KCNIP3: variants seen among roughly 807,000 people sequenced by gnomAD.
The protein encoded by KCNIP3 is potassium voltage-gated channel interacting protein 3.
KCNIP3 carries 28 observed loss-of-function variants against 35.0 expected under a neutral mutation model. The ratio of observed to expected loss-of-function variants is 0.80; its 90% CI spans 0.59 to 1.10. The LOEUF (loss-of-function observed/expected upper bound fraction) is 1.10. KCNIP3 is among the 50% of genes least tolerant of loss of function. The pLI is 0.00. For missense variants in KCNIP3, 295 were observed against 338.4 expected, an observed-to-expected ratio of 0.87 and a Z score of 1.01; for synonymous variants, 134 against 133.8, an observed-to-expected ratio of 1.00 and a Z score of -0.01.
In KCNIP3 at chr2:95,377,244, G is replaced by A. The variant is rs1680224612; in HGVS notation, c.447+2036G>A. ...CCAAAACGATTCCGTAGACTGTTGG[G>A]GCCTCTTCAGTGCCCAGGATCAAGT... On this transcript the variant is annotated intron_variant, in intron 5 of 8. Transcript: ENST00000295225. The surrounding 1 kb of genome is among the most constrained non-coding windows in gnomAD (Gnocchi z 4.7). Among the ~76,000 whole-genome samples the A allele has an allele frequency of 2.0e-5, 3 of 152,230 alleles. No individual in the cohort carries two copies. The South Asian group carries it at 6.2e-4, about 32-fold the overall frequency.
intron 1 of KCNIP3, chr2:95,303,496 C>G (rs975404346): frequency 7.9e-5 from 12 of 152,320 alleles, no homozygotes; most frequent in Admixed American, 7.2e-4. Context: ...AAGTCGCCGC[C>G]CCTCCCTCAC....
chr2:95,322,220 C>T (rs1466185076), intron 2 of KCNIP3, among the ~76,000 whole-genome samples: 5 of 152,052 alleles, frequency 3.3e-5, no homozygotes, highest in South Asian at 2.1e-4. Flanking sequence ...AAAAATTAGC[C>T]GGACATGGTG....
intron 2 of KCNIP3, among the ~76,000 whole-genome samples, chr2:95,338,849 A>T (rs1679124845): frequency 6.6e-6 from 1 of 152,224 alleles, no homozygotes; most frequent in Non-Finnish European, 1.5e-5. Flanking sequence ...CCTAACAGGT[A>T]CTCGTTCAGC....
intron 2 of KCNIP3, among the ~76,000 whole-genome samples, chr2:95,349,866 G>A (rs1203647191): frequency 2.0e-5 from 3 of 152,206 alleles, no homozygotes; most frequent in Admixed American, 1.3e-4. Flanking sequence ...GGACGGCCCC[G>A]AGGGCCATCA....
intron 2 of KCNIP3, among the ~76,000 whole-genome samples, chr2:95,321,062 A>C (rs1332640296): frequency 3.2e-4 from 11 of 33,848 alleles, no homozygotes; most frequent in Non-Finnish European, 3.6e-4. Flanking sequence ...CCCACACCCC[A>C]AGCCTCTCCT....
At chr2:95,333,162 C>T (rs998630708) in intron 2 of KCNIP3, among the ~76,000 whole-genome samples, 3 of 152,168 alleles carry the variant, frequency 2.0e-5, no homozygotes, top group African/African-American at 7.2e-5. Flanking sequence ...CAAACGAATG[C>T]TCCCTTGCTC....
intron 2 of KCNIP3, among the ~76,000 whole-genome samples, chr2:95,370,995 C>T (rs902003534): frequency 6.6e-5 from 10 of 152,166 alleles, no homozygotes; most frequent in Non-Finnish European, 2.9e-5. Context: ...TCTTGAACTC[C>T]TGACCTCAAG....
chr2:95,361,777 C>G (rs1470486848), intron 2 of KCNIP3, among the ~76,000 whole-genome samples: 1 of 152,200 alleles, frequency 6.6e-6, no homozygotes, highest in Non-Finnish European at 1.5e-5. Flanking sequence ...ACCTCCCATG[C>G]ACAGGCACTG....
chr2:95,369,588 A>T (rs1296324762), intron 2 of KCNIP3, among the ~76,000 whole-genome samples: 3 of 151,088 alleles, frequency 2.0e-5, no homozygotes, highest in Non-Finnish European at 4.4e-5. Flanking sequence ...TTCCTTCCTG[A>T]TGTTGGTAGC....
chr2:95,317,050 A>G (rs1678475101), intron 2 of KCNIP3, among the ~76,000 whole-genome samples: 1 of 152,232 alleles, frequency 6.6e-6, no homozygotes, highest in African/African-American at 2.4e-5. Context: ...TCTGCATTTT[A>G]GAGAGGCACA....
At chr2:95,335,194 G>T (rs1573497635) in intron 2 of KCNIP3, among the ~76,000 whole-genome samples, 1 of 152,260 alleles carries the variant, frequency 6.6e-6, no homozygotes, top group East Asian at 1.9e-4. Flanking sequence ...GATGGGAAAA[G>T]ATCTATTCCC....
At chr2:95,363,740 A>T (rs186081944) in intron 2 of KCNIP3, among the ~76,000 whole-genome samples, 272 of 152,326 alleles carry the variant, frequency 1.8e-3, no homozygotes, top group African/African-American at 6.1e-3. Context: ...ATATCTTTCC[A>T]TGTAGAGGTC....
Position 95,305,172 on chromosome 2 carries a change from G to A in KCNIP3, c.16-5183G>A, listed in dbSNP as rs1252450387. Among the ~76,000 whole-genome samples, 3 of 152,318 alleles carry A rather than the reference G, an allele frequency of 2.0e-5. No individual in the cohort carries two copies. In the East Asian group the frequency reaches 5.8e-4, roughly 29 times the overall value. ...ACAGTTCTGTCACCCATTAAAATGAGGCCGGCATCGAGCAGGAGTGGGAGG... is the reference window on the plus strand; with the variant it reads ...ACAGTTCTGTCACCCATTAAAATGAAGCCGGCATCGAGCAGGAGTGGGAGG... On this transcript the variant is annotated intron_variant, in intron 1 of 8. Coordinates refer to ENST00000295225, the MANE Select transcript of KCNIP3 (RefSeq NM_013434.5).
At chr2:95,321,663 G>C (rs1302978799) in intron 2 of KCNIP3, among the ~76,000 whole-genome samples, 3 of 152,176 alleles carry the variant, frequency 2.0e-5, no homozygotes, top group African/African-American at 7.2e-5. Context: ...GAAACACGGG[G>C]CTCTTTAGAG....
chr2:95,313,008 C>A (rs561232774), intron 2 of KCNIP3: 1 of 152,446 alleles, frequency 6.6e-6, no homozygotes, highest in Non-Finnish European at 1.5e-5. Context: ...ATGAGGCATC[C>A]CCCCTCTTTG....
intron 2 of KCNIP3, among the ~76,000 whole-genome samples, chr2:95,364,588 C>T (rs1679875823): frequency 6.6e-6 from 1 of 152,168 alleles, no homozygotes; most frequent in Admixed American, 6.5e-5. Flanking sequence ...GCACCATGCT[C>T]ATGGTAATGA....
Position 95,385,482 on chromosome 2 carries a change from A to G in KCNIP3, c.*1433A>G, listed in dbSNP as rs1291806483. On this transcript the variant is annotated 3_prime_UTR_variant, in exon 9 of 9. Transcript: ENST00000295225. The stretch of plus-strand genomic sequence containing the variant: ...CCGCCTGATTGGGGCCTCACCCAGA[A>G]GGAACCCGGTCCCAGGCCGCATGGC... The G allele has an allele frequency of 6.5e-6, 1 of 153,114 alleles. No individual in the cohort carries two copies. The highest frequency in any genetic ancestry group is 1.5e-5 in the Non-Finnish European group (1 of 68,420). The allele number at this position is 153,114 out of a possible 1,614,324, so 9.5% of individuals were successfully genotyped here.
intron 2 of KCNIP3, among the ~76,000 whole-genome samples, chr2:95,325,677 ACACT>A (rs898004595): frequency 1.3e-4 from 20 of 151,780 alleles, no homozygotes; most frequent in Non-Finnish European, 2.8e-4. Flanking sequence ...ATACACATAC[ACACT>A]CATACACATA....
intron 2 of KCNIP3, chr2:95,368,799 G>A (rs1433862276): frequency 8.5e-6 from 2 of 236,252 alleles, no homozygotes; most frequent in African/African-American, 2.3e-5. Context: ...CAGTGGCAAA[G>A]CCTACACCTT....
Sources: gnomAD v4.1 joint callset for allele counts (sites outside exome capture counted in the v4.1 genomes callset) on GRCh38, gnomAD v4.1.1 for gene constraint, Gnocchi (gnomAD v3.1) non-coding constraint, MANE v1.5 for transcripts, NCBI Gene and HGNC (gene_info 2026-07-23, HGNC 2026-07-21) for gene names.